CCDC122: variants seen among roughly 807,000 people sequenced by gnomAD.
CCDC122 encodes the protein coiled-coil domain containing 122, also known as coiled-coil domain-containing protein 122.
In CCDC122, 38 loss-of-function variants were observed where a neutral mutation model predicts 37.0. The observed-to-expected ratio is 1.03, with a 90% CI of 0.79 to 1.35. The LOEUF (loss-of-function observed/expected upper bound fraction) is 1.35. Ranked by LOEUF, CCDC122 falls within the 40% of genes most tolerant of loss-of-function variation. The pLI is 0.00. For synonymous variants in CCDC122, 83 were observed against 95.6 expected (o/e 0.87, Z 0.77); for missense variants, 305 against 310.0 (o/e 0.98, Z 0.12).
In CCDC122 at chr13:43,863,005, C is replaced by T. The variant is rs1236190594; in HGVS notation, c.157-2935G>A. Reference sequence around the variant, plus strand: ...TCATCCTTTTCCCCTTCTTCTCTCTCCTTTTTAAACTTACAGCTTTATCGA... The same window carrying T: ...TCATCCTTTTCCCCTTCTTCTCTCTTCTTTTTAAACTTACAGCTTTATCGA... On this transcript the variant is annotated intron_variant, in intron 4 of 6. Transcript: ENST00000444614. Among the ~76,000 whole-genome samples, 5 of 151,958 alleles carry T rather than the reference C, an allele frequency of 3.3e-5. No homozygotes were observed. The East Asian group carries it at 9.6e-4, about 29-fold the overall frequency.
chr13:43,862,146 G>T (rs1954127123), intron 4 of CCDC122, among the ~76,000 whole-genome samples: 1 of 152,052 alleles, frequency 6.6e-6, no homozygotes, highest in African/African-American at 2.4e-5. Flanking sequence ...ATCCTCCAGT[G>T]GTTTCCCATT....
Position 43,859,631 on chromosome 13 carries a change from G to A in CCDC122, c.555+41C>T. ...TTTAATGTATGTACTTGCAAAAAAGGAGTAATAGAAAAAATAGTTTTACTA... is the reference window on the plus strand; with the variant it reads ...TTTAATGTATGTACTTGCAAAAAAGAAGTAATAGAAAAAATAGTTTTACTA... On this transcript the variant is annotated intron_variant, in intron 5 of 6. Coordinates refer to ENST00000444614, the MANE Select transcript of CCDC122 (RefSeq NM_144974.5). The A allele has an allele frequency of 2.9e-6, 4 of 1,402,208 alleles. No homozygotes were observed. The South Asian group carries it at 5.0e-5, about 17-fold the overall frequency. The allele number at this position is 1,402,208 out of a possible 1,614,324, so 86.9% of individuals were successfully genotyped here. A position where few individuals can be genotyped will look rare whatever the true frequency, so the allele number is the denominator to read the frequency against.
At position 43,828,967 on chromosome 13, in the gene CCDC122, A is replaced by T. The variant is rs138809025; in HGVS notation, n.602-4956T>A. On this transcript the variant is annotated intron_variant and non_coding_transcript_variant, in intron 3 of 3. Transcript: ENST00000470137. ...TTTGAAGTCCAGGGCAAAAAAGGTT[A>T]TATTGACTTTAGCCTAAGCTAAAAT... Among the ~76,000 whole-genome samples the T allele has an allele frequency of 8.4e-3, 1,273 of 152,324 alleles. 13 individuals carry two copies. Among genetic ancestry groups the T allele is most frequent in the African/African-American group, 0.027 (1,132 of 41,562 alleles).
intron 3 of CCDC122, among the ~76,000 whole-genome samples, chr13:43,825,249 C>A (rs1371040422): frequency 2.0e-5 from 3 of 152,164 alleles, no homozygotes; most frequent in Non-Finnish European, 2.9e-5. Flanking sequence ...ATGTCCTTTT[C>A]AGCAATATGG....
intron 4 of CCDC122, among the ~76,000 whole-genome samples, chr13:43,864,836 A>G (rs761606861): frequency 1.3e-5 from 2 of 152,088 alleles, no homozygotes; most frequent in Non-Finnish European, 2.9e-5. Flanking sequence ...ATAGTTTAGG[A>G]TGGGGGCTGG....
chr13:43,825,303 A>G (rs999555448), intron 3 of CCDC122, among the ~76,000 whole-genome samples: 1 of 152,220 alleles, frequency 6.6e-6, no homozygotes, highest in African/African-American at 2.4e-5. Context: ...ACACAGAAAA[A>G]GAAAACCAAA....
intron 6 of CCDC122, among the ~76,000 whole-genome samples, chr13:43,850,792 G>A (rs1273553597): frequency 1.3e-5 from 2 of 152,018 alleles, no homozygotes; most frequent in Non-Finnish European, 2.9e-5. Context: ...CCTAAATTTG[G>A]CAAAAGATAC....
chr13:43,833,309 G>A (rs1167905353), downstream of CCDC122, among the ~76,000 whole-genome samples: 1 of 152,130 alleles, frequency 6.6e-6, no homozygotes, highest in African/African-American at 2.4e-5. Flanking sequence ...TAGCAGGCCC[G>A]GATCAGGACA....
Position 43,869,445 on chromosome 13 carries a change from T to G in CCDC122, c.-69A>C. On this transcript the variant is annotated 5_prime_UTR_variant, in exon 3 of 7. Coordinates refer to ENST00000444614, the MANE Select transcript of CCDC122 (RefSeq NM_144974.5). ...TTTACTCCTACTCAATAATCTATATTGATAATCTTTCACTTTTGTTTTTTC... is the reference window on the plus strand; with the variant it reads ...TTTACTCCTACTCAATAATCTATATGGATAATCTTTCACTTTTGTTTTTTC... The G allele has an allele frequency of 7.8e-7, 1 of 1,280,082 alleles. No homozygotes were observed. Among genetic ancestry groups the G allele is most frequent in the East Asian group, 2.4e-5 (1 of 42,194 alleles). 79.3% of individuals were successfully genotyped at this position (1,280,082 alleles called of 1,614,324 possible). A position where few individuals can be genotyped will look rare whatever the true frequency, so the allele number is the denominator to read the frequency against.
intron 3 of CCDC122, among the ~76,000 whole-genome samples, chr13:43,830,513 A>G (rs945615005): frequency 2.0e-5 from 3 of 152,178 alleles, no homozygotes; most frequent in African/African-American, 7.2e-5. Flanking sequence ...AATATCAAGG[A>G]AAGTCCCTTT....
intron 3 of CCDC122, among the ~76,000 whole-genome samples, chr13:43,829,988 G>A (rs367580302): frequency 6.6e-6 from 1 of 152,096 alleles, no homozygotes; most frequent in East Asian, 1.9e-4. Flanking sequence ...TGATTCTTCT[G>A]CGTCAGCCTC....
intron 6 of CCDC122, among the ~76,000 whole-genome samples, chr13:43,844,177 A>G (rs1449171695): frequency 1.3e-5 from 2 of 151,816 alleles, no homozygotes; most frequent in Non-Finnish European, 2.9e-5. Context: ...TAAAAACTTA[A>G]TTTTCCTGTA....
At chr13:43,868,932 A>G in intron 3 of CCDC122, 129 bp from the exon 4 acceptor site, 1 of 544,370 alleles carries the variant, frequency 1.8e-6, no homozygotes, top group Non-Finnish European at 3.0e-6. Flanking sequence ...ATTTAGAATT[A>G]GTAATTTTCC....
chr13:43,827,605 T>C (rs925661042), intron 3 of CCDC122, among the ~76,000 whole-genome samples: 2 of 152,162 alleles, frequency 1.3e-5, no homozygotes, highest in African/African-American at 4.8e-5. Context: ...TATACGGGAT[T>C]CCTTTTCATC....
intron 6 of CCDC122, among the ~76,000 whole-genome samples, chr13:43,857,302 A>G (rs1342050772): frequency 6.6e-6 from 1 of 152,168 alleles, no homozygotes; most frequent in Non-Finnish European, 1.5e-5. Flanking sequence ...TTGTGATGGT[A>G]TATTCCCATA....
downstream of CCDC122, among the ~76,000 whole-genome samples, chr13:43,835,181 G>A (rs1322954125): frequency 6.6e-6 from 1 of 151,866 alleles, no homozygotes; most frequent in Non-Finnish European, 1.5e-5. Flanking sequence ...GAAGCTGGAA[G>A]CCATCATTCT....
At chr13:43,850,522 C>T (rs528684397) in intron 6 of CCDC122, among the ~76,000 whole-genome samples, 2 of 151,960 alleles carry the variant, frequency 1.3e-5, no homozygotes, top group Non-Finnish European at 2.9e-5. Context: ...CTAAAAGGTA[C>T]AATAACCAAA....
chr13:43,834,289 A>G (rs1953118772), downstream of CCDC122, among the ~76,000 whole-genome samples: 1 of 152,162 alleles, frequency 6.6e-6, no homozygotes, highest in Non-Finnish European at 1.5e-5. Context: ...CCATCCTTAC[A>G]CCTTATACAA....
intron 4 of CCDC122, among the ~76,000 whole-genome samples, chr13:43,864,020 A>G (rs1954196884): frequency 6.6e-6 from 1 of 152,120 alleles, no homozygotes; most frequent in African/African-American, 2.4e-5. Flanking sequence ...ATTTTTGTAT[A>G]TGGTTTGAGG....
Sources: allele counts gnomAD v4.1 joint callset (sites outside exome capture counted in the v4.1 genomes callset), GRCh38; gene constraint gnomAD v4.1.1; transcripts MANE v1.5; gene names NCBI Gene and HGNC (gene_info 2026-07-23, HGNC 2026-07-21).